GATAD2B: variants seen among roughly 807,000 people sequenced by gnomAD.
GATAD2B encodes GATA zinc finger domain containing 2B.
GATAD2B carries 8 observed loss-of-function variants against 64.3 expected under a neutral mutation model. The observed-to-expected ratio is 0.12, with a 90% confidence interval of 0.07 to 0.22. GATAD2B has a LOEUF of 0.22. Ranked by LOEUF, GATAD2B falls within the 10% of genes least tolerant of loss-of-function variation. GATAD2B has a pLI of 1.00. For missense variants in GATAD2B, 453 were observed against 752.0 expected (o/e 0.60, Z 4.65); for synonymous variants, 281 against 271.3 (o/e 1.04, Z -0.35).
intron 1 of GATAD2B, among the ~76,000 whole-genome samples, chr1:153,849,789 C>A (rs546903965): frequency 6.2e-4 from 94 of 152,090 alleles, no homozygotes; most frequent in Non-Finnish European, 9.7e-4. Flanking sequence ...TGCCACCTCA[C>A]CCAGCTAATG....
intron 1 of GATAD2B, chr1:153,853,020 T>C: frequency 1.5e-6 from 2 of 1,347,736 alleles, no homozygotes; most frequent in South Asian, 2.4e-5. Flanking sequence ...CCATCAACCC[T>C]GTGATGAATC....
intron 1 of GATAD2B, among the ~76,000 whole-genome samples, chr1:153,891,688 A>T (rs1218782074): frequency 6.8e-6 from 1 of 147,574 alleles, no homozygotes; most frequent in Admixed American, 6.8e-5. Flanking sequence ...GAGGGAAAAG[A>T]AGTAGATTAA....
intron 1 of GATAD2B, among the ~76,000 whole-genome samples, chr1:153,905,573 A>C (rs1262620382): frequency 1.5e-4 from 22 of 150,978 alleles, no homozygotes; most frequent in Non-Finnish European, 3.0e-4. Context: ...AAAAAAAAAA[A>C]AAGAACAAAG....
At chr1:153,909,782 A>AC (rs1387645434) in intron 1 of GATAD2B, among the ~76,000 whole-genome samples, 1 of 113,630 alleles carries the variant, frequency 8.8e-6, no homozygotes, top group Non-Finnish European at 1.9e-5. Context: ...TACTAAAAAT[A>AC]CAAAAAAAAA....
rs1000159950 is a variant in GATAD2B, at chr1:153,872,723, G to A, written c.-1-44375C>T. On this transcript the variant is annotated intron_variant, in intron 1 of 10. Transcript: ENST00000368655. The stretch of plus-strand genomic sequence containing the variant: ...TGCCAAATACCCAAGTCTAAATAAC[G>A]TACTTTGTTGGTTATTCTTTCATCA... Among the ~76,000 whole-genome samples the A allele has an allele frequency of 4.6e-5, 7 of 152,096 alleles. No homozygotes were observed. In the East Asian group the frequency reaches 7.7e-4, roughly 17 times the overall value.
chr1:153,807,421 T>G lies in GATAD2B; in HGVS notation c.*2756A>C, dbSNP rs1294213078. On this transcript the variant is annotated 3_prime_UTR_variant, in exon 11 of 11. Coordinates refer to ENST00000368655, the MANE Select transcript of GATAD2B (RefSeq NM_020699.4). ...AAGGGAGGAGGTGGAAGGTTAACAC[T>G]TTACCATGATTAGGGAGACCTCACC... is the stretch of plus-strand genomic sequence containing the variant. The G allele has an allele frequency of 6.6e-6, 1 of 152,034 alleles. No individual in the cohort carries two copies. The highest frequency in any genetic ancestry group is 2.4e-5 in the African/African-American group (1 of 41,342). 9.4% of individuals were successfully genotyped at this position (152,034 alleles called of 1,614,324 possible).
At chr1:153,852,932 C>A in intron 1 of GATAD2B, 1 of 833,204 alleles carries the variant, frequency 1.2e-6, no homozygotes, top group South Asian at 1.4e-5. Context: ...ATCTGACTTC[C>A]TAAGCTTGTG....
intron 1 of GATAD2B, among the ~76,000 whole-genome samples, chr1:153,861,830 A>G (rs1471779843): frequency 6.9e-6 from 1 of 143,894 alleles, no homozygotes; most frequent in Non-Finnish European, 1.5e-5. Flanking sequence ...ATATATATGT[A>G]TATGTATATA....
chr1:153,908,781 GGAAAAAAAA>G (rs1273370745), intron 1 of GATAD2B, among the ~76,000 whole-genome samples: 7 of 29,200 alleles, frequency 2.4e-4, no homozygotes, highest in South Asian at 3.9e-3. Flanking sequence ...AAACATACTT[GGAAAAAAAA>G]AAAAAAAAAA....
rs1674204870 is a variant in GATAD2B, at chr1:153,809,177, T to C, written c.*1000A>G. On this transcript the variant is annotated 3_prime_UTR_variant, in exon 11 of 11. Coordinates refer to ENST00000368655, the MANE Select transcript of GATAD2B (RefSeq NM_020699.4). ...AACAGCCGTTCCTCTGTATTATAGA[T>C]GGGGCTATGGTTAGAGGGGATAGAT... 6.6e-6 allele frequency: 1 copy of C among 152,130 alleles called. No homozygotes were observed. 9.4% of individuals were successfully genotyped at this position (152,130 alleles called of 1,614,324 possible).
chr1:153,840,986 G>A (rs753609882), intron 1 of GATAD2B, among the ~76,000 whole-genome samples: 9 of 151,986 alleles, frequency 5.9e-5, no homozygotes, highest in Admixed American at 2.6e-4. Flanking sequence ...TTAGCCGGGC[G>A]TGGTGGCATG....
At chr1:153,819,985 C>T (rs1368610662) in intron 2 of GATAD2B, among the ~76,000 whole-genome samples, 1 of 151,638 alleles carries the variant, frequency 6.6e-6, no homozygotes, top group Non-Finnish European at 1.5e-5. Context: ...GTAGTCCCAG[C>T]TACTCAGGAA....
At chr1:153,898,848 G>T (rs1220820800) in intron 1 of GATAD2B, 2 of 152,162 alleles carry the variant, frequency 1.3e-5, no homozygotes, top group Non-Finnish European at 2.9e-5. Flanking sequence ...TTAGGAATTT[G>T]CCCTTACCTG....
intron 1 of GATAD2B, among the ~76,000 whole-genome samples, chr1:153,854,725 T>C (rs1298230472): frequency 6.6e-6 from 1 of 152,222 alleles, no homozygotes; most frequent in Non-Finnish European, 1.5e-5. Context: ...AAATTTAACA[T>C]TTATTTTCAT....
In GATAD2B at chr1:153,891,599, G is replaced by A. The variant is rs867360832; in HGVS notation, c.-2+31134C>T. On this transcript the variant is annotated intron_variant, in intron 1 of 10. Transcript: ENST00000368655. ...TAAAAAAAAAAAAAAAAAAAAAAAA[G>A]AGGTGGGGGGGAGAGGCAAAGGGAA... 6.2e-3 allele frequency among the ~76,000 whole-genome samples: 106 copies of A among 17,074 alleles called. 2 individuals are homozygous for A. The East Asian group carries it at 0.095, about 15-fold the overall frequency. The allele number at this position is 17,074 out of a possible 152,430, so 11.2% of individuals were successfully genotyped here. A position where few individuals can be genotyped will look rare whatever the true frequency, so the allele number is the denominator to read the frequency against.
At chr1:153,871,561 G>T (rs754806614) in intron 1 of GATAD2B, among the ~76,000 whole-genome samples, 1 of 151,518 alleles carries the variant, frequency 6.6e-6, no homozygotes, top group Non-Finnish European at 1.5e-5. Context: ...TATTTTCCTT[G>T]ATATTACTGA....
intron 2 of GATAD2B, among the ~76,000 whole-genome samples, chr1:153,820,657 T>C (rs866521917): frequency 2.0e-5 from 3 of 151,888 alleles, no homozygotes; most frequent in Non-Finnish European, 1.5e-5. Flanking sequence ...TGAGACAGGG[T>C]CTCACTCTGT....
At position 153,859,487 on chromosome 1, in the gene GATAD2B, C is replaced by T. The variant is rs1676201828; in HGVS notation, c.-1-31139G>A. Reference sequence around the variant, plus strand: ...GAGTTCGAGACCAGCCTGGCCAACACAGTGAAACCCTGTCTCTACTAAAAA... The same window carrying T: ...GAGTTCGAGACCAGCCTGGCCAACATAGTGAAACCCTGTCTCTACTAAAAA... On this transcript the variant is annotated intron_variant, in intron 1 of 10. Transcript: ENST00000368655. Among the ~76,000 whole-genome samples, 4 of 151,778 alleles carry T rather than the reference C, an allele frequency of 2.6e-5. No homozygotes were observed. The South Asian group carries it at 6.3e-4, about 24-fold the overall frequency.
At chr1:153,895,603 AAAG>A (rs1677564335) in intron 1 of GATAD2B, among the ~76,000 whole-genome samples, 1 of 152,038 alleles carries the variant, frequency 6.6e-6, no homozygotes, top group Non-Finnish European at 1.5e-5. Context: ...AATAAAAAAA[AAAG>A]AAGAAAAAAT....
Sources: allele counts gnomAD v4.1 joint callset (sites outside exome capture counted in the v4.1 genomes callset), GRCh38; gene constraint gnomAD v4.1.1; transcripts MANE v1.5; gene names NCBI Gene and HGNC (gene_info 2026-07-23, HGNC 2026-07-21).